The following ARHGAP12 variants were observed in gnomAD, a reference collection of about 807,000 sequenced individuals.
ARHGAP12 encodes the protein rho GTPase-activating protein 12.
Under a neutral mutation model 108.6 loss-of-function variants are expected in ARHGAP12, and 64 were observed. The ratio of observed to expected loss-of-function variants is 0.59; its 90% confidence interval spans 0.48 to 0.73. The LOEUF is 0.73. Ranked by LOEUF, ARHGAP12 falls within the 30% of genes least tolerant of loss-of-function variation. ARHGAP12 has a pLI of 0.00. For synonymous variants in ARHGAP12, 312 were observed against 337.2 expected, an observed-to-expected ratio of 0.93 and a Z score of 0.82; for missense variants, 940 against 1,005.9, an observed-to-expected ratio of 0.93 and a Z score of 0.89.
chr10:31,880,047 A>T (rs1216543313), intron 3 of ARHGAP12, among the ~76,000 whole-genome samples: 1 of 152,200 alleles, frequency 6.6e-6, no homozygotes, highest in African/African-American at 2.4e-5. Context: ...CTGTTCAAAG[A>T]TATGCTCTCT....
At chr10:31,811,216 T>C (rs542234458) in intron 15 of ARHGAP12, among the ~76,000 whole-genome samples, 7 of 152,358 alleles carry the variant, frequency 4.6e-5, no homozygotes, top group Non-Finnish European at 1.0e-4. Flanking sequence ...CCAAGGACCA[T>C]GTAGTTCCTG....
At chr10:31,855,029 G>A (rs1188137804) in intron 4 of ARHGAP12, among the ~76,000 whole-genome samples, 1 of 119,700 alleles carries the variant, frequency 8.4e-6, no homozygotes, top group Admixed American at 8.8e-5. Context: ...ATGGGGAGGA[G>A]GAGGGGAGGG....
At chr10:31,888,435 T>TA (rs1838268400) in intron 3 of ARHGAP12, among the ~76,000 whole-genome samples, 1 of 152,200 alleles carries the variant, frequency 6.6e-6, no homozygotes, top group Non-Finnish European at 1.5e-5. Context: ...TTTTAAAAAC[T>TA]AAGAATGTGA....
intron 3 of ARHGAP12, among the ~76,000 whole-genome samples, chr10:31,878,568 T>A (rs1837820328): frequency 6.6e-6 from 1 of 152,218 alleles, no homozygotes; most frequent in Non-Finnish European, 1.5e-5. Flanking sequence ...TGTAAAAAAT[T>A]TAAAAAATGC....
chr10:31,871,906 T>C (rs749301495), intron 3 of ARHGAP12, among the ~76,000 whole-genome samples: 9 of 152,040 alleles, frequency 5.9e-5, no homozygotes, highest in Non-Finnish European at 1.5e-5. Context: ...AAATGACAAA[T>C]TTCCCCTTCA....
intron 10 of ARHGAP12, among the ~76,000 whole-genome samples, chr10:31,829,713 C>T (rs1266328380): frequency 6.6e-6 from 1 of 152,208 alleles, no homozygotes; most frequent in Non-Finnish European, 1.5e-5. Context: ...GGCAAAGATT[C>T]ACTCAGGTGC....
chr10:31,850,661 G>T (rs1037301051), intron 6 of ARHGAP12, among the ~76,000 whole-genome samples: 1 of 152,012 alleles, frequency 6.6e-6, no homozygotes, highest in African/African-American at 2.4e-5. Flanking sequence ...TAAGCTTGAG[G>T]TATCATTTTC....
At chr10:31,925,390 G>T (rs1839992187) in intron 1 of ARHGAP12, among the ~76,000 whole-genome samples, 2 of 152,148 alleles carry the variant, frequency 1.3e-5, no homozygotes, top group African/African-American at 4.8e-5. Flanking sequence ...CATAATTACT[G>T]CAAAGATAGT....
At chr10:31,895,906 G>T (rs935899051) in intron 3 of ARHGAP12, among the ~76,000 whole-genome samples, 2 of 152,134 alleles carry the variant, frequency 1.3e-5, no homozygotes, top group African/African-American at 4.8e-5. Context: ...ATACTATGCA[G>T]CCATAAAAAA....
chr10:31,900,491 T>A (rs1157635286), intron 3 of ARHGAP12, among the ~76,000 whole-genome samples: 1 of 152,162 alleles, frequency 6.6e-6, no homozygotes, highest in South Asian at 2.1e-4. Flanking sequence ...CTGTGAAAGA[T>A]CCATACGATT....
chr10:31,901,534 C>CAAAAAAAAAAAAA (rs61402251), intron 3 of ARHGAP12, among the ~76,000 whole-genome samples: 2 of 64,280 alleles, frequency 3.1e-5, no homozygotes, highest in African/African-American at 1.2e-4. Flanking sequence ...AACCTGGTCT[C>CAAAAAAAAAAAAA]AAAAAAAAAA....
At chr10:31,924,865 G>A (rs1839966040) in intron 1 of ARHGAP12, among the ~76,000 whole-genome samples, 1 of 152,036 alleles carries the variant, frequency 6.6e-6, no homozygotes, top group African/African-American at 2.4e-5. Context: ...CTCAAAAGAT[G>A]TTTGTGAGAA....
chr10:31,907,256 C>G (rs1008341242), intron 3 of ARHGAP12, among the ~76,000 whole-genome samples: 3 of 151,888 alleles, frequency 2.0e-5, no homozygotes, highest in Non-Finnish European at 4.4e-5. Flanking sequence ...TTCAATTTCA[C>G]GTATGTACTT....
At chr10:31,818,286 C>A (rs1311606065) in intron 12 of ARHGAP12, among the ~76,000 whole-genome samples, 1 of 151,950 alleles carries the variant, frequency 6.6e-6, no homozygotes, top group Non-Finnish European at 1.5e-5. Context: ...AAATTTTTTT[C>A]TGTCTCTCTG....
chr10:31,843,385 A>G, intron 7 of ARHGAP12, 76 bp downstream of exon 7: 1 of 1,417,104 alleles, frequency 7.1e-7, no homozygotes. Flanking sequence ...TAAATACATA[A>G]AATATTAGTA....
intron 11 of ARHGAP12, among the ~76,000 whole-genome samples, chr10:31,823,580 T>C (rs1451620700): frequency 6.6e-6 from 1 of 152,148 alleles, no homozygotes; most frequent in Non-Finnish European, 1.5e-5. Context: ...GTACCTGCCC[T>C]GGAGTGAGTA....
At chr10:31,839,566 A>G (rs974402793) in intron 8 of ARHGAP12, 71 bp downstream of exon 8, 25 of 1,360,180 alleles carry the variant, frequency 1.8e-5, no homozygotes, top group Non-Finnish European at 2.5e-5. Flanking sequence ...TTACATTAAG[A>G]GTAAATTAAC....
intron 3 of ARHGAP12, among the ~76,000 whole-genome samples, chr10:31,907,050 T>C (rs549271182): frequency 1.2e-4 from 18 of 152,256 alleles, no homozygotes; most frequent in Admixed American, 1.2e-3. Flanking sequence ...CTTTTTCCTA[T>C]TTCCATTCCA....
rs116033765 is a variant in ARHGAP12 at position 31,825,718 on chromosome 10, G to A, written c.1530+586C>T. On this transcript the variant is annotated intron_variant, in intron 11 of 19. Coordinates refer to ENST00000344936, the MANE Select transcript of ARHGAP12 (RefSeq NM_018287.7). ...ACAGAATGAGCATTCAAAAAATGTA[G>A]CTATTATATGTCACAAATTATAATT... Among the ~76,000 whole-genome samples the A allele has an allele frequency of 4.1e-3, 629 of 152,220 alleles. 5 individuals are homozygous for A. The highest frequency in any genetic ancestry group is 0.014 in the African/African-American group (596 of 41,536).
Sources: allele counts gnomAD v4.1 joint callset (sites outside exome capture counted in the v4.1 genomes callset), GRCh38; gene constraint gnomAD v4.1.1; transcripts MANE v1.5; gene names NCBI Gene and HGNC (gene_info 2026-07-23, HGNC 2026-07-21).